The following ZNF385D variants were observed in gnomAD, a reference collection of about 807,000 sequenced individuals.
The protein encoded by ZNF385D is zinc finger protein 385D, also known as zinc finger protein 659.
Under a neutral mutation model 35.8 loss-of-function variants are expected in ZNF385D, and 15 were observed. That is an observed-to-expected ratio of 0.42 (90% CI 0.28 to 0.64). The LOEUF (loss-of-function observed/expected upper bound fraction) is 0.64, where lower values mean the gene tolerates loss of function less well. ZNF385D is among the 30% of genes least tolerant of loss of function. The pLI, the probability that ZNF385D is intolerant of heterozygous loss-of-function variation, is 0.23. For synonymous variants in ZNF385D, 212 were observed against 186.8 expected, an observed-to-expected ratio of 1.13 and a Z score of -1.10; for missense variants, 474 against 494.6, an observed-to-expected ratio of 0.96 and a Z score of 0.39.
At chr3:22,255,183 A>G (rs760511369) in intron 2 of ZNF385D, among the ~76,000 whole-genome samples, 120 of 151,060 alleles carry the variant, frequency 7.9e-4, no homozygotes, top group South Asian at 2.3e-3. Flanking sequence ...TGCTCATAAG[A>G]AAAAAAAAGA....
At chr3:21,885,730 GTGTCTGTGTC>G (rs1667579975) in intron 3 of ZNF385D, among the ~76,000 whole-genome samples, 1 of 86,720 alleles carries the variant, frequency 1.2e-5, no homozygotes, top group Non-Finnish European at 2.3e-5. Flanking sequence ...AGAACAGGGT[GTGTCTGTGTC>G]TGTGTGTGTG....
chr3:22,291,159 T>C (rs1702283384), intron 2 of ZNF385D, among the ~76,000 whole-genome samples: 1 of 152,180 alleles, frequency 6.6e-6, no homozygotes, highest in Non-Finnish European at 1.5e-5. Context: ...CCTCTTCCTC[T>C]ATTTACCATT....
chr3:22,023,433 C>G (rs1225980346), intron 3 of ZNF385D, among the ~76,000 whole-genome samples: 4 of 152,064 alleles, frequency 2.6e-5, no homozygotes, highest in Non-Finnish European at 4.4e-5. Flanking sequence ...GCATAGACCA[C>G]TAAAAAGGAT....
At chr3:21,684,819 C>A (rs1575458503) in intron 1 of ZNF385D, among the ~76,000 whole-genome samples, 1 of 152,136 alleles carries the variant, frequency 6.6e-6, no homozygotes, top group African/African-American at 2.4e-5. Flanking sequence ...TTTTTAAGAG[C>A]CTACTTGGAA....
At chr3:22,168,118 T>C (rs993732522) in intron 3 of ZNF385D, among the ~76,000 whole-genome samples, 3 of 152,198 alleles carry the variant, frequency 2.0e-5, no homozygotes, top group Admixed American at 6.5e-5. Flanking sequence ...ACATGAAACA[T>C]CTGATCACAA....
rs1001043970 is a variant in ZNF385D at position 21,971,551 on chromosome 3, G to A, written c.325+197266C>T. On this transcript the variant is annotated intron_variant, in intron 3 of 5. Transcript: ENST00000494108. ...ATCACCTTCACTAAAAGGAAGACAA[G>A]AAGGAAAGAAGGAAGAGATGGCCAA... Among the ~76,000 whole-genome samples, 4 of 151,482 alleles carry A rather than the reference G, an allele frequency of 2.6e-5. No homozygotes were observed. The East Asian group carries it at 5.8e-4, about 22-fold the overall frequency.
At chr3:22,318,029 G>A (rs1205404700) in intron 2 of ZNF385D, among the ~76,000 whole-genome samples, 2 of 151,748 alleles carry the variant, frequency 1.3e-5, no homozygotes, top group African/African-American at 4.8e-5. Flanking sequence ...CTGCATTCCA[G>A]CCTGGGCGAC....
At chr3:22,102,681 G>A (rs1268532482) in intron 3 of ZNF385D, among the ~76,000 whole-genome samples, 1 of 151,876 alleles carries the variant, frequency 6.6e-6, no homozygotes, top group Non-Finnish European at 1.5e-5. Context: ...AAGAATAAAG[G>A]CCTTAACCTA....
chr3:21,845,527 T>TA (rs1458366369), intron 3 of ZNF385D, among the ~76,000 whole-genome samples: 1 of 151,996 alleles, frequency 6.6e-6, no homozygotes, highest in East Asian at 1.9e-4. Flanking sequence ...TGTTATATTT[T>TA]AGAAAGATAA....
intron 3 of ZNF385D, among the ~76,000 whole-genome samples, chr3:21,799,119 C>A (rs1477622206): frequency 6.6e-6 from 1 of 152,176 alleles, no homozygotes; most frequent in Non-Finnish European, 1.5e-5. Context: ...CACACTGTAG[C>A]ATGTACTTGA....
At chr3:21,924,377 G>C (rs13092430) in intron 3 of ZNF385D, among the ~76,000 whole-genome samples, 81,085 of 151,786 alleles carry the variant, frequency 0.53, 23,710 homozygotes, top group South Asian at 0.66. Flanking sequence ...AGCTCCCAAA[G>C]ACATCAAAGA....
chr3:22,171,652 G>T (rs548900042), intron 2 of ZNF385D, among the ~76,000 whole-genome samples: 63 of 152,084 alleles, frequency 4.1e-4, no homozygotes, highest in Non-Finnish European at 4.4e-4. Flanking sequence ...CGAGGCGGGT[G>T]GATCACAAGG....
intron 4 of ZNF385D, among the ~76,000 whole-genome samples, chr3:21,439,271 T>C (rs764994388): frequency 7.6e-6 from 1 of 132,316 alleles, no homozygotes; most frequent in Non-Finnish European, 1.6e-5. Context: ...AAGCATTTCA[T>C]GGAACAAGAA....
At chr3:21,484,665 G>T (rs1704894538) in intron 4 of ZNF385D, among the ~76,000 whole-genome samples, 1 of 152,126 alleles carries the variant, frequency 6.6e-6, no homozygotes, top group African/African-American at 2.4e-5. Context: ...TTAGTGCTGA[G>T]CACAAATAGC....
intron 3 of ZNF385D, among the ~76,000 whole-genome samples, chr3:22,030,274 T>C (rs7645820): frequency 1.7e-3 from 149 of 86,682 alleles, no homozygotes; most frequent in East Asian, 7.4e-3. Flanking sequence ...TATATATATA[T>C]ATATATATAT....
At chr3:22,087,427 A>G (rs1012007486) in intron 3 of ZNF385D, among the ~76,000 whole-genome samples, 1 of 152,204 alleles carries the variant, frequency 6.6e-6, no homozygotes, top group African/African-American at 2.4e-5. Flanking sequence ...CAAAGGGAGT[A>G]TATGAAAATG....
chr3:22,321,957 C>G (rs571569547), intron 2 of ZNF385D, among the ~76,000 whole-genome samples: 1 of 152,040 alleles, frequency 6.6e-6, no homozygotes, highest in Non-Finnish European at 1.5e-5. Flanking sequence ...TTAATCTCTT[C>G]TTTTTCCTAC....
chr3:21,608,288 C>T (rs1346661823), intron 2 of ZNF385D, among the ~76,000 whole-genome samples: 6 of 152,010 alleles, frequency 3.9e-5, no homozygotes, highest in African/African-American at 1.4e-4. Flanking sequence ...GGATTACAGG[C>T]GTGAGCCACT....
chr3:21,767,017 C>T (rs1338411654), intron 3 of ZNF385D, among the ~76,000 whole-genome samples: 1 of 152,014 alleles, frequency 6.6e-6, no homozygotes, highest in African/African-American at 2.4e-5. Context: ...AAATGTAATT[C>T]GTTCCTTTCA....
Sources: gnomAD v4.1 joint callset for allele counts (sites outside exome capture counted in the v4.1 genomes callset) on GRCh38, gnomAD v4.1.1 for gene constraint, MANE v1.5 for transcripts, NCBI Gene and HGNC (gene_info 2026-07-23, HGNC 2026-07-21) for gene names.